The following P4HA1 variants were observed in gnomAD, a reference collection of about 807,000 sequenced individuals.
P4HA1 encodes the protein prolyl 4-hydroxylase subunit alpha-1.
A neutral mutation model predicts 72.8 loss-of-function variants in P4HA1; 24 were observed. The ratio of observed to expected loss-of-function variants is 0.33; its 90% CI spans 0.24 to 0.46. The LOEUF (loss-of-function observed/expected upper bound fraction) is 0.46. Ranked by LOEUF, P4HA1 falls within the 20% of genes least tolerant of loss-of-function variation. The pLI, the probability that P4HA1 is intolerant of heterozygous loss-of-function variation, is 1.00. For synonymous variants in P4HA1, 201 were observed against 218.8 expected (o/e 0.92, Z 0.72); for missense variants, 446 against 640.6 (o/e 0.70, Z 3.28).
rs1282301027 is a variant in P4HA1, at chr10:73,037,555, ATATATATATATATATATT to A, written c.1149-7203_1149-7186del. On this transcript the variant is annotated intron_variant, in intron 9 of 14. Transcript: ENST00000394890. ...TATATATATATATATATATATATAT[ATATATATATATATATATT>A]TTTTTTTTTTTTTTTTTACAAAGGC... Among the ~76,000 whole-genome samples, 72 of 32,792 alleles carry A rather than the reference ATATATATATATATATATT, an allele frequency of 2.2e-3. 3 individuals carry two copies. The highest frequency in any genetic ancestry group is 7.1e-3 in the African/African-American group (58 of 8,148). 21.5% of individuals were successfully genotyped at this position (32,792 alleles called of 152,430 possible). A position where few individuals can be genotyped will look rare whatever the true frequency, so the allele number is the denominator to read the frequency against.
At chr10:73,077,817 CA>C (rs11334323) in intron 1 of P4HA1, among the ~76,000 whole-genome samples, 30,404 of 133,730 alleles carry the variant, frequency 0.23, 3,296 homozygotes, top group East Asian at 0.32. Flanking sequence ...TTCATCTCTA[CA>C]AAAAAAAAAA....
chr10:73,020,668 C>T (rs187440836), intron 10 of P4HA1, among the ~76,000 whole-genome samples: 378 of 152,132 alleles, frequency 2.5e-3, no homozygotes, highest in African/African-American at 8.7e-3. Context: ...ACAAAATACT[C>T]AAAAAAATAC....
At position 73,024,406 on chromosome 10, in the gene P4HA1, G is replaced by A. The variant is rs11527421; in HGVS notation, c.1248+5865C>T. The stretch of plus-strand genomic sequence containing the variant: ...CCTGAATGACTACTGGGTAAATAAC[G>A]AAATGAAGGCAGAAATAAACATGTT... On this transcript the variant is annotated intron_variant, in intron 10 of 14. Coordinates refer to ENST00000394890, the MANE Select transcript of P4HA1 (RefSeq NM_001017962.3). Among the ~76,000 whole-genome samples, 83 of 152,278 alleles carry A rather than the reference G, an allele frequency of 5.5e-4. No individual in the cohort carries two copies. The East Asian group carries it at 0.013, about 24-fold the overall frequency.
chr10:73,072,518 A>C (rs970655623), intron 3 of P4HA1, among the ~76,000 whole-genome samples: 13 of 152,226 alleles, frequency 8.5e-5, no homozygotes, highest in Admixed American at 1.3e-4. Flanking sequence ...TGATTATTAC[A>C]AACTACAAAT....
intron 11 of P4HA1, among the ~76,000 whole-genome samples, chr10:73,015,853 T>C (rs1056949561): frequency 6.6e-6 from 1 of 151,454 alleles, no homozygotes; most frequent in Non-Finnish European, 1.5e-5. Flanking sequence ...TCTTAAGTGA[T>C]TTTATTGGGT....
In P4HA1 at chr10:73,051,155, T is replaced by A; in HGVS notation, c.798A>T (p.Gln266His). 6.2e-7 allele frequency: 1 copy of A among 1,612,948 alleles called. No homozygotes were observed. The highest frequency in any genetic ancestry group is 1.1e-5 in the South Asian group (1 of 91,066). Reference protein sequence around the residue: ...KDVNKSASDDQSDQKTTPKKK... With the variant: ...KDVNKSASDDHSDQKTTPKKK... ...TCTTTGGTGTAGTTTTCTGATCAGA[T>A]TGGTCATCTGAAGCAGACTTATTGA... Residue 266 changes from glutamine (Q) to histidine (H), a missense_variant, in exon 7 of 15, where the codon CAA (glutamine) becomes CAT (histidine). Coordinates refer to ENST00000394890, the MANE Select transcript of P4HA1 (RefSeq NM_001017962.3).
At chr10:73,082,146 C>A (rs956007839) in intron 1 of P4HA1, among the ~76,000 whole-genome samples, 2 of 152,202 alleles carry the variant, frequency 1.3e-5, no homozygotes, top group Non-Finnish European at 2.9e-5. Flanking sequence ...TTTTGCCCAA[C>A]TGTAGGCTAA....
intron 9 of P4HA1, chr10:73,044,082 T>C (rs1840799088): frequency 1.9e-6 from 1 of 536,164 alleles, no homozygotes; most frequent in Non-Finnish European, 3.4e-6. Context: ...TGGTGGGTAA[T>C]GGTCTCGAAT....
rs184099596 is a variant in P4HA1 at position 73,022,007 on chromosome 10, C to A, written c.1249-5108G>T. ...GCCAGAAAGCTCAAACTGGGCGGAG[C>A]CCACCACAGCTCAGCAAGGCCTACT... On this transcript the variant is annotated intron_variant, in intron 10 of 14. Coordinates refer to ENST00000394890, the MANE Select transcript of P4HA1 (RefSeq NM_001017962.3). Among the ~76,000 whole-genome samples, 733 of 152,340 alleles carry A rather than the reference C, an allele frequency of 4.8e-3. 1 individual carries two copies. Among genetic ancestry groups the A allele is most frequent in the Non-Finnish European group, 8.6e-3 (587 of 68,018 alleles).
chr10:73,029,702 C>T (rs1208791731), intron 10 of P4HA1, among the ~76,000 whole-genome samples: 2 of 149,812 alleles, frequency 1.3e-5, no homozygotes, highest in East Asian at 3.9e-4. Context: ...TATGTTTATT[C>T]CCTATAACTA....
At position 73,084,816 on chromosome 10, in the gene P4HA1, C is replaced by A. The variant is rs559593957; in HGVS notation, c.-32-9901G>T. 4.0e-4 allele frequency among the ~76,000 whole-genome samples: 61 copies of A among 152,224 alleles called. No homozygotes were observed. The South Asian group carries it at 0.012, about 31-fold the overall frequency. On this transcript the variant is annotated intron_variant, in intron 1 of 14. Transcript: ENST00000394890. The stretch of plus-strand genomic sequence containing the variant: ...CTGTAAATTTACCCTAAAATTAACA[C>A]ATTAAGACCATTTTGAAGTTTAAGA...
At chr10:73,012,962 A>C (rs1031842742) in intron 12 of P4HA1, among the ~76,000 whole-genome samples, 37 of 151,928 alleles carry the variant, frequency 2.4e-4, no homozygotes, top group African/African-American at 8.7e-4. Flanking sequence ...CACCCAGCTA[A>C]TTTTTGTATT....
At chr10:73,078,775 C>G (rs1841762016) in intron 1 of P4HA1, among the ~76,000 whole-genome samples, 1 of 151,926 alleles carries the variant, frequency 6.6e-6, no homozygotes, top group African/African-American at 2.4e-5. Context: ...ACACGCCCAG[C>G]TAATTTTTGT....
chr10:73,046,076 A>T (rs759017154), intron 8 of P4HA1, among the ~76,000 whole-genome samples: 9 of 152,180 alleles, frequency 5.9e-5, no homozygotes, highest in Non-Finnish European at 8.8e-5. Context: ...TTTCATTTAC[A>T]TATTTTCTTT....
chr10:73,011,239 CAAAGG>C, intron 12 of P4HA1, among the ~76,000 whole-genome samples: 1 of 152,030 alleles, frequency 6.6e-6, no homozygotes, highest in South Asian at 2.1e-4. Context: ...CTACAAAAAG[CAAAGG>C]AATGAATAAC....
intron 12 of P4HA1, among the ~76,000 whole-genome samples, chr10:73,012,170 A>G (rs1839921730): frequency 6.6e-6 from 1 of 152,250 alleles, no homozygotes; most frequent in African/African-American, 2.4e-5. Flanking sequence ...ATACAGCATC[A>G]ATATTCATAA....
At chr10:73,056,552 A>C (rs1488982517) in intron 5 of P4HA1, among the ~76,000 whole-genome samples, 1 of 152,004 alleles carries the variant, frequency 6.6e-6, no homozygotes, top group Non-Finnish European at 1.5e-5. Flanking sequence ...GAATCACTTG[A>C]ACCTGAGAGG....
intron 9 of P4HA1, among the ~76,000 whole-genome samples, chr10:73,038,973 G>A (rs1408393617): frequency 6.6e-6 from 1 of 152,162 alleles, no homozygotes; most frequent in Non-Finnish European, 1.5e-5. Flanking sequence ...CTTGCCAAAA[G>A]TTAACAGATT....
intron 1 of P4HA1, among the ~76,000 whole-genome samples, chr10:73,092,284 CTCA>C (rs1015778955): frequency 6.7e-6 from 1 of 150,222 alleles, no homozygotes; most frequent in Admixed American, 6.7e-5. Flanking sequence ...TGAAACATTT[CTCA>C]TCATTCTTGA....
Sources: gnomAD v4.1 joint callset for allele counts (sites outside exome capture counted in the v4.1 genomes callset) on GRCh38, gnomAD v4.1.1 for gene constraint, MANE v1.5 for transcripts, NCBI Gene and HGNC (gene_info 2026-07-23, HGNC 2026-07-21) for gene names.